Variants in RIMS2 observed in about 807,000 individuals in gnomAD.
RIMS2 encodes the protein regulating synaptic membrane exocytosis 2.
In RIMS2, 59 loss-of-function variants were observed where a neutral mutation model predicts 174.4. The observed-to-expected ratio is 0.34, with a 90% CI of 0.27 to 0.42. The LOEUF (loss-of-function observed/expected upper bound fraction) is 0.42, where lower values mean the gene tolerates loss of function less well. Among genes scored for constraint, RIMS2 ranks in the 10% least tolerant of loss-of-function variants. The pLI is 1.00. For synonymous variants in RIMS2, 606 were observed against 572.5 expected, an observed-to-expected ratio of 1.06 and a Z score of -0.84; for missense variants, 1,620 against 1,666.3, an observed-to-expected ratio of 0.97 and a Z score of 0.48.
chr8:104,185,703 C>T (rs968755387), intron 19 of RIMS2, among the ~76,000 whole-genome samples: 19 of 151,354 alleles, frequency 1.3e-4, no homozygotes, highest in African/African-American at 4.4e-4. Context: ...ATTATATACA[C>T]CAGTCAGAAT....
At chr8:104,160,493 T>G (rs1044482878) in intron 19 of RIMS2, among the ~76,000 whole-genome samples, 1 of 152,220 alleles carries the variant, frequency 6.6e-6, no homozygotes, top group African/African-American at 2.4e-5. Flanking sequence ...CATATTCTAG[T>G]GTTTCATTAT....
intron 19 of RIMS2, among the ~76,000 whole-genome samples, chr8:104,183,001 A>G (rs1023694624): frequency 4.6e-5 from 7 of 151,694 alleles, no homozygotes; most frequent in African/African-American, 1.5e-4. Context: ...ATTTAGGGGA[A>G]AAAAAGAAAT....
In RIMS2 at chr8:103,568,729, A is replaced by G; in HGVS notation, c.176+67667A>G. 5.4e-6 allele frequency: 5 copies of G among 934,228 alleles called. 1 individual carries two copies. Among genetic ancestry groups the G allele is most frequent in the Middle Eastern group, 4.6e-4 (2 of 4,324 alleles). 57.9% of individuals were successfully genotyped at this position (934,228 alleles called of 1,614,324 possible). On this transcript the variant is annotated intron_variant, in intron 1 of 23. Transcript: ENST00000504942. ...TCTAGCTTACATAAGGGAGTAGCCT[A>G]TAAAGCAGCTGTAGATTCTTCACTG...
chr8:104,236,787 G>A (rs553293767), intron 19 of RIMS2, among the ~76,000 whole-genome samples: 1 of 152,158 alleles, frequency 6.6e-6, no homozygotes, highest in East Asian at 1.9e-4. Flanking sequence ...AAGAGCGTAA[G>A]GAGACATGAT....
At chr8:103,847,808 T>C (rs1391011686) in intron 3 of RIMS2, among the ~76,000 whole-genome samples, 1 of 152,056 alleles carries the variant, frequency 6.6e-6, no homozygotes, top group East Asian at 1.9e-4. Context: ...ATATACATTA[T>C]GTTAGGAGTA....
Position 104,013,450 on chromosome 8 carries a change from A to AT in RIMS2, c.3053_3054insT (p.Glu1018AspfsTer5). On this transcript the variant is annotated frameshift_variant, in exon 18 of 24. Transcript: ENST00000504942. LOFTEE classifies it high-confidence loss of function. ...TTTGACTAACGTTTCAGGGATTGTG[A>AT]AGCAGCAGATAGACAGCCATATCAC... 1 of 1,613,558 alleles carries AT rather than the reference A, an allele frequency of 6.2e-7. No individual in the cohort carries two copies. Among genetic ancestry groups the AT allele is most frequent in the Non-Finnish European group, 8.5e-7 (1 of 1,179,690 alleles).
exon 4 of RIMS2, chr8:103,885,681 G>T (rs917512575): frequency 1.2e-6 from 2 of 1,613,040 alleles, no homozygotes; most frequent in Non-Finnish European, 1.7e-6. Flanking sequence ...GAAGTGTCCC[G>T]AGCACGGCAT....
At chr8:104,241,954 T>G (rs1269658538) in intron 19 of RIMS2, among the ~76,000 whole-genome samples, 1 of 152,046 alleles carries the variant, frequency 6.6e-6, no homozygotes, top group Non-Finnish European at 1.5e-5. Context: ...GAGACAGATT[T>G]TCACCATGTT....
At chr8:103,766,559 T>C in intron 3 of RIMS2, 22 bp downstream of exon 6, 5 of 1,506,192 alleles carry the variant, frequency 3.3e-6, no homozygotes, top group Non-Finnish European at 4.6e-6. Flanking sequence ...GTTTAATCTT[T>C]AGGCAAATGT....
intron 14 of RIMS2, among the ~76,000 whole-genome samples, chr8:103,943,404 C>G (rs1042244714): frequency 6.6e-6 from 1 of 152,078 alleles, no homozygotes; most frequent in Non-Finnish European, 1.5e-5. Flanking sequence ...AATTCTTACA[C>G]TTTAGAACTG....
At chr8:104,123,260 A>C (rs1486069774) in intron 19 of RIMS2, among the ~76,000 whole-genome samples, 1 of 152,058 alleles carries the variant, frequency 6.6e-6, no homozygotes, top group Non-Finnish European at 1.5e-5. Context: ...ATGTAGAGGA[A>C]ATGATCTTAC....
intron 1 of RIMS2, among the ~76,000 whole-genome samples, chr8:103,601,811 T>C (rs1446389848): frequency 6.6e-6 from 1 of 152,176 alleles, no homozygotes; most frequent in Non-Finnish European, 1.5e-5. Context: ...ATGTATCTGT[T>C]CTGTTTTTTT....
intron 1 of RIMS2, among the ~76,000 whole-genome samples, chr8:103,525,408 A>T (rs112362165): frequency 6.6e-6 from 1 of 152,230 alleles, no homozygotes; most frequent in Non-Finnish European, 1.5e-5. Context: ...AGCTGTTTGC[A>T]GAAACTAATG....
intron 19 of RIMS2, among the ~76,000 whole-genome samples, chr8:104,094,065 T>C (rs971250755): frequency 6.6e-6 from 1 of 151,946 alleles, no homozygotes; most frequent in African/African-American, 2.4e-5. Context: ...GAAATTTTTA[T>C]ATATGCATAG....
At chr8:103,990,825 A>T (rs1322217699) in intron 17 of RIMS2, among the ~76,000 whole-genome samples, 1 of 152,036 alleles carries the variant, frequency 6.6e-6, no homozygotes, top group African/African-American at 2.4e-5. Context: ...TTTTATTTTA[A>T]TGAAAAAATG....
intron 19 of RIMS2, among the ~76,000 whole-genome samples, chr8:104,067,904 G>C (rs2097132633): frequency 6.6e-6 from 1 of 152,028 alleles, no homozygotes; most frequent in Non-Finnish European, 1.5e-5. Context: ...TTATAAAATT[G>C]ATCTCAGTCA....
At chr8:103,646,544 C>T (rs143651298) in intron 1 of RIMS2, among the ~76,000 whole-genome samples, 26 of 152,220 alleles carry the variant, frequency 1.7e-4, no homozygotes, top group African/African-American at 4.3e-4. Context: ...TACCTCTCTC[C>T]GCACCCAGTT....
chr8:104,143,615 T>C (rs1162293086), intron 19 of RIMS2, among the ~76,000 whole-genome samples: 1 of 152,222 alleles, frequency 6.6e-6, no homozygotes, highest in East Asian at 1.9e-4. Flanking sequence ...TGGGTTTGTT[T>C]CTAATCTACC....
chr8:103,729,797 T>C (rs955968090), intron 2 of RIMS2, among the ~76,000 whole-genome samples: 17 of 152,222 alleles, frequency 1.1e-4, no homozygotes, highest in African/African-American at 4.1e-4. Flanking sequence ...AATTTGTTCA[T>C]TGGCCTACAA....
Sources: allele counts gnomAD v4.1 joint callset (sites outside exome capture counted in the v4.1 genomes callset), GRCh38; gene constraint gnomAD v4.1.1; transcripts MANE v1.5; gene names NCBI Gene and HGNC (gene_info 2026-07-23, HGNC 2026-07-21).